PBX4: variants seen among roughly 807,000 people sequenced by gnomAD.
PBX4 encodes pre-B-cell leukemia transcription factor 4.
PBX4 carries 26 observed loss-of-function variants against 35.1 expected under a neutral mutation model. The observed-to-expected ratio is 0.74, with a 90% confidence interval of 0.54 to 1.03. The LOEUF (loss-of-function observed/expected upper bound fraction) is 1.03, where lower values mean the gene tolerates loss of function less well. Ranked by LOEUF, PBX4 falls within the 50% of genes least tolerant of loss-of-function variation. The pLI, the probability that PBX4 is intolerant of heterozygous loss-of-function variation, is 0.00. For missense variants in PBX4, 448 were observed against 504.3 expected (o/e 0.89, Z 1.07); for synonymous variants, 199 against 204.2 (o/e 0.97, Z 0.22).
intron 2 of PBX4, among the ~76,000 whole-genome samples, chr19:19,585,865 C>T (rs978019053): frequency 6.6e-6 from 1 of 152,196 alleles, no homozygotes; most frequent in Admixed American, 6.5e-5. Flanking sequence ...ATAATCCCAC[C>T]ACCCTTTGCT....
Position 19,574,905 on chromosome 19 carries a change from G to A in PBX4, c.194-4072C>T, listed in dbSNP as rs148526446. Reference sequence around the variant, plus strand: ...TCACCATGTTGAACAGGCTGGTCTCGAACTCCTAACTTCAGGTGATCCTCC... The same window carrying A: ...TCACCATGTTGAACAGGCTGGTCTCAAACTCCTAACTTCAGGTGATCCTCC... On this transcript the variant is annotated intron_variant, in intron 2 of 7. Coordinates refer to ENST00000251203, the MANE Select transcript of PBX4 (RefSeq NM_025245.3). Among the ~76,000 whole-genome samples the A allele has an allele frequency of 2.6e-5, 4 of 151,820 alleles. No homozygotes were observed. In the East Asian group the frequency reaches 5.8e-4, roughly 22 times the overall value.
chr19:19,580,741 C>T (rs2061448747), intron 2 of PBX4, among the ~76,000 whole-genome samples: 1 of 152,146 alleles, frequency 6.6e-6, no homozygotes, highest in African/African-American at 2.4e-5. Flanking sequence ...GTACTTAGAC[C>T]TCAACTGCTT....
At chr19:19,589,074 G>A (rs2061509124) in intron 2 of PBX4, among the ~76,000 whole-genome samples, 3 of 152,092 alleles carry the variant, frequency 2.0e-5, no homozygotes. Flanking sequence ...GGAGCAGTGA[G>A]CTATGATCAC....
chr19:19,615,340 T>TTA (rs942980284), intron 1 of PBX4, among the ~76,000 whole-genome samples: 12 of 150,678 alleles, frequency 8.0e-5, no homozygotes, highest in Non-Finnish European at 1.8e-4. Context: ...GAGCGCGGCC[T>TTA]TATATAAAAA....
intron 3 of PBX4, 138 bp from the exon 4 acceptor site, chr19:19,570,437 G>A: frequency 2.1e-6 from 3 of 1,433,078 alleles, no homozygotes; most frequent in Non-Finnish European, 2.8e-6. Context: ...AAATGGAAAG[G>A]GCTTTCAGTA....
chr19:19,570,469 G>A lies in PBX4; in HGVS notation c.441+117C>T, dbSNP rs747751174. ...AGTAACAATGGACCACCTCTGCAGC[G>A]ACCAACTGCATGGACTCCCTGTTCT... On this transcript the variant is annotated intron_variant, in intron 3 of 7. Coordinates refer to ENST00000251203, the MANE Select transcript of PBX4 (RefSeq NM_025245.3). The A allele has an allele frequency of 1.3e-4, 192 of 1,497,538 alleles. No individual in the cohort carries two copies. In the Admixed American group the frequency reaches 1.7e-3, roughly 13 times the overall value. The allele number at this position is 1,497,538 out of a possible 1,614,324, so 92.8% of individuals were successfully genotyped here.
intron 2 of PBX4, chr19:19,588,355 C>T: frequency 1.6e-6 from 2 of 1,274,894 alleles, no homozygotes; most frequent in Non-Finnish European, 2.3e-6. Context: ...TTCACACAGT[C>T]ATCTGATGGC....
intron 2 of PBX4, among the ~76,000 whole-genome samples, chr19:19,594,870 T>A (rs1189281298): frequency 6.6e-6 from 1 of 152,004 alleles, no homozygotes; most frequent in Non-Finnish European, 1.5e-5. Context: ...TACAGGCGCA[T>A]GCCACCACGC....
chr19:19,601,227 C>T (rs1160788330), intron 1 of PBX4, among the ~76,000 whole-genome samples: 3 of 152,162 alleles, frequency 2.0e-5, no homozygotes, highest in Non-Finnish European at 4.4e-5. Flanking sequence ...GAGAAATCAA[C>T]CAAGAAAAGG....
At chr19:19,577,588 C>T (rs552075486) in intron 2 of PBX4, among the ~76,000 whole-genome samples, 7 of 152,172 alleles carry the variant, frequency 4.6e-5, no homozygotes, top group Admixed American at 1.3e-4. Flanking sequence ...CATTTTTGGC[C>T]GGGCTTGGTG....
intron 2 of PBX4, among the ~76,000 whole-genome samples, chr19:19,578,188 A>C (rs1243494116): frequency 1.9e-5 from 2 of 104,946 alleles, no homozygotes; most frequent in Non-Finnish European, 3.6e-5. Context: ...ACTCCATCTC[A>C]AAAAAAAAAA....
chr19:19,586,717 G>A (rs1420990140), intron 2 of PBX4, among the ~76,000 whole-genome samples: 2 of 151,930 alleles, frequency 1.3e-5, no homozygotes, highest in Non-Finnish European at 2.9e-5. Flanking sequence ...AGGCCACGAA[G>A]TCAGGAGATC....
In PBX4 at chr19:19,594,125, G is replaced by A. The variant is rs1251564122; in HGVS notation, c.193+5167C>T. On this transcript the variant is annotated intron_variant, in intron 2 of 7. Transcript: ENST00000251203. ...TAAAAAATAAAAAATTAAAAATGTC[G>A]CCGGGCATGGTGGCACATGGCTGTA... is the stretch of plus-strand genomic sequence containing the variant. Among the ~76,000 whole-genome samples the A allele has an allele frequency of 3.3e-5, 5 of 150,678 alleles. No homozygotes were observed. In the South Asian group the frequency reaches 8.4e-4, roughly 25 times the overall value.
intron 1 of PBX4, among the ~76,000 whole-genome samples, chr19:19,607,830 A>G (rs532433947): frequency 6.6e-6 from 1 of 152,352 alleles, no homozygotes; most frequent in African/African-American, 2.4e-5. Flanking sequence ...ATTTAAAGAT[A>G]TATTCAGAGA....
intron 1 of PBX4, among the ~76,000 whole-genome samples, chr19:19,602,737 G>T (rs1341737774): frequency 6.6e-6 from 1 of 150,560 alleles, no homozygotes; most frequent in Non-Finnish European, 1.5e-5. Flanking sequence ...TATTAATTAT[G>T]TTTTTTTTTT....
At chr19:19,568,080 C>T (rs1415851369) in intron 5 of PBX4, among the ~76,000 whole-genome samples, 1 of 150,484 alleles carries the variant, frequency 6.6e-6, no homozygotes, top group African/African-American at 2.5e-5. Context: ...GGAGCTCACA[C>T]TCTATCTGTA....
Position 19,588,413 on chromosome 19 carries a change from C to T in PBX4, c.193+10879G>A, listed in dbSNP as rs529070788. ...AAGATCAAATCAGGATGATGTTTAG[C>T]CATAGTTCCCAACTAAGCTGGCCAC... is the stretch of plus-strand genomic sequence containing the variant. On this transcript the variant is annotated intron_variant, in intron 2 of 7. Coordinates refer to ENST00000251203, the MANE Select transcript of PBX4 (RefSeq NM_025245.3). 2.1e-5 allele frequency: 28 copies of T among 1,313,486 alleles called. No individual in the cohort carries two copies. The South Asian group carries it at 3.3e-4, about 15-fold the overall frequency. The allele number at this position is 1,313,486 out of a possible 1,614,324, so 81.4% of individuals were successfully genotyped here. A position where few individuals can be genotyped will look rare whatever the true frequency, so the allele number is the denominator to read the frequency against.
Position 19,577,892 on chromosome 19 carries a change from T to C in PBX4, c.194-7059A>G, listed in dbSNP as rs554343515. On this transcript the variant is annotated intron_variant, in intron 2 of 7. Transcript: ENST00000251203. Reference sequence around the variant, plus strand: ...TAATTAAAAAAAAAAGATTATGCTTTTGAGGCTGGGCAAGGTGGCTCATGC... The same window carrying C: ...TAATTAAAAAAAAAAGATTATGCTTCTGAGGCTGGGCAAGGTGGCTCATGC... Among the ~76,000 whole-genome samples, 33 of 151,102 alleles carry C rather than the reference T, an allele frequency of 2.2e-4. 1 individual carries two copies. The East Asian group carries it at 5.6e-3, about 26-fold the overall frequency.
chr19:19,592,359 G>A (rs2061534209), intron 2 of PBX4, among the ~76,000 whole-genome samples: 2 of 152,320 alleles, frequency 1.3e-5, no homozygotes, highest in South Asian at 2.1e-4. Flanking sequence ...GAGGACAGCT[G>A]TTTCTGGGAA....
Sources: allele counts gnomAD v4.1 joint callset (sites outside exome capture counted in the v4.1 genomes callset), GRCh38; gene constraint gnomAD v4.1.1; transcripts MANE v1.5; gene names NCBI Gene and HGNC (gene_info 2026-07-23, HGNC 2026-07-21).